OR7C1: variants seen among roughly 807,000 people sequenced by gnomAD.
OR7C1 encodes the protein olfactory receptor family 7 subfamily C member 1.
For synonymous variants in OR7C1, 152 were observed against 160.7 expected (o/e 0.95, Z 0.41); for missense variants, 324 against 383.3 (o/e 0.85, Z 1.29).
chr19:14,826,735 A>G lies in OR7C1; in HGVS notation c.-623+8339T>C, dbSNP rs1314473109. The G allele has an allele frequency of 2.0e-5, 3 of 152,416 alleles. No individual in the cohort carries two copies. In the East Asian group the frequency reaches 5.8e-4, roughly 29 times the overall value. 9.4% of individuals were successfully genotyped at this position (152,416 alleles called of 1,614,324 possible). A position where few individuals can be genotyped will look rare whatever the true frequency, so the allele number is the denominator to read the frequency against. On this transcript the variant is annotated intron_variant, in intron 1 of 4. Coordinates refer to ENST00000641666, the Ensembl canonical transcript of OR7C1. ...TAAACAATTTTTGCCTTACCGTACT[A>G]TGCCAGGGAGTATGGCAGATACTGT... is the stretch of plus-strand genomic sequence containing the variant.
At chr19:14,819,411 AC>A (rs2044731132) in intron 1 of OR7C1, among the ~76,000 whole-genome samples, 1 of 152,114 alleles carries the variant, frequency 6.6e-6, no homozygotes. Flanking sequence ...ATAAGTGGGA[AC>A]ATGTGGTATT....
intron 1 of OR7C1, among the ~76,000 whole-genome samples, chr19:14,820,147 G>A (rs567078214): frequency 1.3e-4 from 20 of 152,180 alleles, no homozygotes; most frequent in Admixed American, 1.3e-3. Context: ...CTGGCCTCAG[G>A]TTGATCTGCC....
At chr19:14,808,631 G>A (rs927788084) in intron 2 of OR7C1, among the ~76,000 whole-genome samples, 1 of 149,754 alleles carries the variant, frequency 6.7e-6, no homozygotes, top group African/African-American at 2.5e-5. Context: ...AAGTGGGAGG[G>A]TGGGAGGGAT....
intron 1 of OR7C1, chr19:14,828,070 G>C (rs780008849): frequency 3.7e-6 from 6 of 1,614,078 alleles, no homozygotes; most frequent in Non-Finnish European, 5.1e-6. Flanking sequence ...AAGTACATGG[G>C]GGTGTGGAGG....
chr19:14,820,263 A>C (rs1452602296), intron 1 of OR7C1, among the ~76,000 whole-genome samples: 1 of 152,110 alleles, frequency 6.6e-6, no homozygotes, highest in Non-Finnish European at 1.5e-5. Flanking sequence ...GGTTGTTTTG[A>C]ATCCACCTTA....
At chr19:14,818,181 C>T in intron 1 of OR7C1, among the ~76,000 whole-genome samples, 1 of 151,958 alleles carries the variant, frequency 6.6e-6, no homozygotes, top group Non-Finnish European at 1.5e-5. Context: ...CAAGCTCCGC[C>T]TCCCAGGTTC....
At chr19:14,828,265 G>C (rs772880095) in intron 1 of OR7C1, 41 of 1,584,504 alleles carry the variant, frequency 2.6e-5, no homozygotes, top group Non-Finnish European at 3.4e-5. Flanking sequence ...CTATCAGAGA[G>C]AGAGAGAGAA....
At chr19:14,810,334 A>G (rs1257478511) in intron 1 of OR7C1, among the ~76,000 whole-genome samples, 2 of 151,164 alleles carry the variant, frequency 1.3e-5, no homozygotes, top group Admixed American at 6.6e-5. Flanking sequence ...AGACTTAGAC[A>G]TATGGTTTTG....
chr19:14,811,490 A>G (rs2044690610), intron 1 of OR7C1, among the ~76,000 whole-genome samples: 1 of 151,932 alleles, frequency 6.6e-6, no homozygotes, highest in African/African-American at 2.4e-5. Context: ...GGATGATCTC[A>G]TCTCAGGATG....
chr19:14,828,996 TAAAC>T (rs779674029), intron 1 of OR7C1, among the ~76,000 whole-genome samples: 35 of 152,130 alleles, frequency 2.3e-4, no homozygotes, highest in Admixed American at 7.9e-4. Context: ...GCTTGGAAAA[TAAAC>T]AAAGCAGGTA....
intron 2 of OR7C1, among the ~76,000 whole-genome samples, chr19:14,801,505 G>A (rs2041104): frequency 0.2 from 30,667 of 152,108 alleles, 3,292 homozygotes; most frequent in Admixed American, 0.24. Flanking sequence ...TAGGTACTGC[G>A]TATTAAATTA....
intron 1 of OR7C1, among the ~76,000 whole-genome samples, chr19:14,829,663 G>T (rs1288015754): frequency 6.6e-6 from 1 of 152,216 alleles, no homozygotes; most frequent in Non-Finnish European, 1.5e-5. Flanking sequence ...CTGTCTAGAT[G>T]CTGTTGCACC....
At chr19:14,803,044 C>T (rs1450051000) in intron 2 of OR7C1, among the ~76,000 whole-genome samples, 2 of 152,170 alleles carry the variant, frequency 1.3e-5, no homozygotes, top group African/African-American at 2.4e-5. Context: ...TCGTGGCTCA[C>T]GCCTGTAATC....
In OR7C1 at chr19:14,812,336, G is replaced by T. The variant is rs187814758; in HGVS notation, c.-622-2343C>A. On this transcript the variant is annotated intron_variant, in intron 1 of 4. Transcript: ENST00000641666. Reference sequence around the variant, plus strand: ...AAGTGAAATCAAAGACAGGCAGCCCGGTGCCAGGCCCAAAACCAGGCCTGG... The same window carrying T: ...AAGTGAAATCAAAGACAGGCAGCCCTGTGCCAGGCCCAAAACCAGGCCTGG... Among the ~76,000 whole-genome samples the T allele has an allele frequency of 2.1e-4, 32 of 152,266 alleles. No homozygotes were observed. In the East Asian group the frequency reaches 5.8e-3, roughly 28 times the overall value.
At chr19:14,807,669 G>T (rs956862028) in intron 2 of OR7C1, among the ~76,000 whole-genome samples, 2 of 151,944 alleles carry the variant, frequency 1.3e-5, no homozygotes, top group South Asian at 4.2e-4. Context: ...TTAAAACAGT[G>T]GTGGATCACG....
chr19:14,799,315 G>T (rs1348298383), exon 5 of OR7C1: 1 of 1,614,036 alleles, frequency 6.2e-7, no homozygotes. Context: ...ACATCACTGA[G>T]GCCACCAGAC....
intron 2 of OR7C1, among the ~76,000 whole-genome samples, chr19:14,805,535 C>A (rs532900839): frequency 9.3e-5 from 14 of 150,668 alleles, no homozygotes; most frequent in Non-Finnish European, 1.8e-4. Flanking sequence ...CCTGCCTCAG[C>A]CTCCTGAGTA....
intron 1 of OR7C1, chr19:14,827,708 GA>G (rs1405630153): frequency 3.1e-6 from 5 of 1,614,070 alleles, no homozygotes; most frequent in Non-Finnish European, 4.2e-6. Context: ...TAAGTTCACA[GA>G]AAAAGTGGGG....
intron 1 of OR7C1, among the ~76,000 whole-genome samples, chr19:14,819,577 G>T (rs1035536116): frequency 6.6e-6 from 1 of 152,108 alleles, no homozygotes; most frequent in Non-Finnish European, 1.5e-5. Flanking sequence ...TTGTTGATGG[G>T]CATTTAGGTT....
Sources: allele counts gnomAD v4.1 joint callset (sites outside exome capture counted in the v4.1 genomes callset), GRCh38; gene constraint gnomAD v4.1.1; transcripts MANE v1.5; gene names NCBI Gene and HGNC (gene_info 2026-07-23, HGNC 2026-07-21).